The following GCLM variants were observed in gnomAD, a reference collection of about 807,000 sequenced individuals.
GCLM encodes the protein glutamate--cysteine ligase regulatory subunit.
In GCLM, 15 loss-of-function variants were observed where a neutral mutation model predicts 36.0. The ratio of observed to expected loss-of-function variants is 0.42; its 90% confidence interval spans 0.28 to 0.64. GCLM has a LOEUF of 0.64. GCLM is among the 30% of genes least tolerant of loss of function. GCLM has a pLI of 0.25. For missense variants in GCLM, 242 were observed against 325.5 expected (o/e 0.74, Z 1.97); for synonymous variants, 129 against 122.8 (o/e 1.05, Z -0.34).
At chr1:93,892,088 A>G (rs1286413727) in intron 6 of GCLM, among the ~76,000 whole-genome samples, 1 of 152,186 alleles carries the variant, frequency 6.6e-6, no homozygotes, top group African/African-American at 2.4e-5. Context: ...ACCCTGAGGG[A>G]AAGAGACATA....
At position 93,887,576 on chromosome 1, in the gene GCLM, T is replaced by C. The variant is rs1211821960; in HGVS notation, c.*1414A>G. On this transcript the variant is annotated 3_prime_UTR_variant, in exon 7 of 7. Coordinates refer to ENST00000370238, the MANE Select transcript of GCLM (RefSeq NM_002061.4). ...ACCTCCGCCTCCCGGGTTCAAGCGA[T>C]TCTCCTGCCTCAGCCTCCCAAGTAG... 6.6e-6 allele frequency: 1 copy of C among 151,624 alleles called. No individual in the cohort carries two copies. Among genetic ancestry groups the C allele is most frequent in the African/African-American group, 2.4e-5 (1 of 41,192 alleles). 9.4% of individuals were successfully genotyped at this position (151,624 alleles called of 1,614,324 possible). A position where few individuals can be genotyped will look rare whatever the true frequency, so the allele number is the denominator to read the frequency against.
At position 93,887,446 on chromosome 1, in the gene GCLM, G is replaced by A. The variant is rs1312079489; in HGVS notation, c.*1544C>T. 6.6e-6 allele frequency: 1 copy of A among 150,442 alleles called. No homozygotes were observed. The highest frequency in any genetic ancestry group is 2.4e-5 in the African/African-American group (1 of 40,938). The allele number at this position is 150,442 out of a possible 1,614,324, so 9.3% of individuals were successfully genotyped here. On this transcript the variant is annotated 3_prime_UTR_variant, in exon 7 of 7. Coordinates refer to ENST00000370238, the MANE Select transcript of GCLM (RefSeq NM_002061.4). ...AGCAAAATTAGTTTTATTTAGGCCT[G>A]TGGTTTAAAAATATTGAGATACAAG...
At chr1:93,902,557 C>T (rs765447339) in intron 2 of GCLM, among the ~76,000 whole-genome samples, 3 of 151,156 alleles carry the variant, frequency 2.0e-5, no homozygotes, top group Non-Finnish European at 4.4e-5. Context: ...GTAGATTGAA[C>T]AGATTTCTCA....
At position 93,885,450 on chromosome 1, in the gene GCLM, T is replaced by C. The variant is rs913177895; in HGVS notation, c.*3540A>G. On this transcript the variant is annotated 3_prime_UTR_variant, in exon 7 of 7. Coordinates refer to ENST00000370238, the MANE Select transcript of GCLM (RefSeq NM_002061.4). ...TACAGACACATAAAAAGTTGACTTATCTAATTAAAACATTTTCCCTTCCTA... is the reference window on the plus strand; with the variant it reads ...TACAGACACATAAAAAGTTGACTTACCTAATTAAAACATTTTCCCTTCCTA... 2.6e-5 allele frequency: 4 copies of C among 152,332 alleles called. No individual in the cohort carries two copies. Among genetic ancestry groups the C allele is most frequent in the African/African-American group, 7.2e-5 (3 of 41,582 alleles). The allele number at this position is 152,332 out of a possible 1,614,324, so 9.4% of individuals were successfully genotyped here.
chr1:93,894,188 G>A (rs1656634846), intron 6 of GCLM, among the ~76,000 whole-genome samples: 1 of 151,910 alleles, frequency 6.6e-6, no homozygotes, highest in Non-Finnish European at 1.5e-5. Flanking sequence ...AGTCCGGGAG[G>A]TGGAGACTGC....
At chr1:93,898,331 G>GAAAAAAAAAAAAAAAA (rs1656814607) in intron 3 of GCLM, among the ~76,000 whole-genome samples, 1 of 53,946 alleles carries the variant, frequency 1.9e-5, no homozygotes, top group African/African-American at 9.3e-5. Context: ...AAAAAAAAAG[G>GAAAAAAAAAAAAAAAA]CCACAATTCT....
In GCLM at chr1:93,889,227, G is replaced by A. The variant is rs1656439305; in HGVS notation, c.656-68C>T. On this transcript the variant is annotated intron_variant, in intron 6 of 6. Transcript: ENST00000370238. Reference sequence around the variant, plus strand: ...GGAAAACAAAAAAGCACTTTAGTATGTAGGTAAGCATTTAACATAACAAAA... The same window carrying A: ...GGAAAACAAAAAAGCACTTTAGTATATAGGTAAGCATTTAACATAACAAAA... 8.5e-6 allele frequency: 9 copies of A among 1,058,106 alleles called. No homozygotes were observed. The Admixed American group carries it at 2.3e-4, about 27-fold the overall frequency. 65.5% of individuals were successfully genotyped at this position (1,058,106 alleles called of 1,614,324 possible). A position where few individuals can be genotyped will look rare whatever the true frequency, so the allele number is the denominator to read the frequency against.
Position 93,894,815 on chromosome 1 carries a change from T to C in GCLM, c.541-87A>G, listed in dbSNP as rs575801231. On this transcript the variant is annotated intron_variant, in intron 5 of 6. Coordinates refer to ENST00000370238, the MANE Select transcript of GCLM (RefSeq NM_002061.4). ...AGCAATAAGCAATAAAATAACTTAA[T>C]TTTAGAACATATGAAAAATCACAAT... 1.5e-5 allele frequency: 10 copies of C among 669,460 alleles called. No individual in the cohort carries two copies. In the South Asian group the frequency reaches 1.8e-4, roughly 12 times the overall value. The allele number at this position is 669,460 out of a possible 1,614,324, so 41.5% of individuals were successfully genotyped here.
chr1:93,889,404 G>C (rs572304335), intron 6 of GCLM, among the ~76,000 whole-genome samples: 6 of 152,160 alleles, frequency 3.9e-5, no homozygotes, highest in Non-Finnish European at 2.9e-5. Context: ...GGTGAGTGGA[G>C]CCTAGACATC....
At chr1:93,894,298 G>T (rs1304534180) in intron 6 of GCLM, among the ~76,000 whole-genome samples, 3 of 151,510 alleles carry the variant, frequency 2.0e-5, no homozygotes, top group African/African-American at 7.3e-5. Context: ...TCCAGTCTTT[G>T]CTATACTAGA....
rs368297984 is a variant in GCLM at position 93,888,981 on chromosome 1, C to G, written c.*9G>C. The stretch of plus-strand genomic sequence containing the variant: ...AGGAAATTACAGGTAAGTTATGCTC[C>G]TAAGTCAGTTAAGAACCCCTTCTTT... On this transcript the variant is annotated 3_prime_UTR_variant, in exon 7 of 7. Transcript: ENST00000370238. The G allele has an allele frequency of 1.7e-5, 26 of 1,565,658 alleles. No homozygotes were observed. The highest frequency in any genetic ancestry group is 3.4e-4 in the Middle Eastern group (2 of 5,870).
At chr1:93,895,267 C>T (rs530498163) in intron 5 of GCLM, among the ~76,000 whole-genome samples, 13 of 152,190 alleles carry the variant, frequency 8.5e-5, no homozygotes, top group Admixed American at 1.3e-4. Flanking sequence ...CTACCCACCT[C>T]GGCCTCCCAA....
rs17882277 is a variant in GCLM at position 93,892,919 on chromosome 1, T to C, written c.655+1695A>G. Among the ~76,000 whole-genome samples the C allele has an allele frequency of 1.2e-3, 189 of 152,284 alleles. 2 individuals carry two copies. The highest frequency in any genetic ancestry group is 4.5e-3 in the African/African-American group (186 of 41,558). On this transcript the variant is annotated intron_variant, in intron 6 of 6. Coordinates refer to ENST00000370238, the MANE Select transcript of GCLM (RefSeq NM_002061.4). ...AAAAAGTAAACAGACACATGACATC[T>C]GCCAACATATGGAAAGTTAAAATTT...
intron 6 of GCLM, among the ~76,000 whole-genome samples, chr1:93,891,129 C>A (rs1266205315): frequency 1.3e-5 from 2 of 152,070 alleles, no homozygotes; most frequent in Non-Finnish European, 2.9e-5. Flanking sequence ...CTCAAGTGAT[C>A]CCCTGCCTTG....
chr1:93,897,777 A>ACAG, intron 4 of GCLM, 62 bp downstream of exon 4: 1 of 810,486 alleles, frequency 1.2e-6, no homozygotes, highest in Non-Finnish European at 2.0e-6. Flanking sequence ...ACAAGTTATA[A>ACAG]CTAATACACC....
chr1:93,902,804 T>C (rs1657009204), intron 2 of GCLM, among the ~76,000 whole-genome samples: 1 of 152,212 alleles, frequency 6.6e-6, no homozygotes, highest in South Asian at 2.1e-4. Flanking sequence ...ACAAATCCTG[T>C]GCTCTGCCTA....
At chr1:93,903,120 T>C (rs1657021207) in intron 2 of GCLM, among the ~76,000 whole-genome samples, 1 of 152,152 alleles carries the variant, frequency 6.6e-6, no homozygotes, top group Non-Finnish European at 1.5e-5. Flanking sequence ...GAAGAACATC[T>C]TGGTTGCTTC....
At chr1:93,906,872 A>C (rs374628843) in intron 1 of GCLM, among the ~76,000 whole-genome samples, 48 of 152,246 alleles carry the variant, frequency 3.2e-4, no homozygotes, top group African/African-American at 1.1e-3. Context: ...CCGGTCAAAC[A>C]CCCTTACAAC....
intron 3 of GCLM, among the ~76,000 whole-genome samples, chr1:93,898,762 C>G (rs1015161469): frequency 6.6e-6 from 1 of 151,992 alleles, no homozygotes; most frequent in African/African-American, 2.4e-5. Flanking sequence ...GTAGCTAGGA[C>G]TACAGGCATG....
Sources: allele counts gnomAD v4.1 joint callset (sites outside exome capture counted in the v4.1 genomes callset), GRCh38; gene constraint gnomAD v4.1.1; transcripts MANE v1.5; gene names NCBI Gene and HGNC (gene_info 2026-07-23, HGNC 2026-07-21).